Variants in CPLANE1 observed in about 807,000 individuals in gnomAD.
The protein encoded by CPLANE1 is ciliogenesis and planar polarity effector 1.
CPLANE1 carries 263 observed loss-of-function variants against 362.5 expected under a neutral mutation model. The ratio of observed to expected loss-of-function variants is 0.73; its 90% CI spans 0.66 to 0.80. The LOEUF (loss-of-function observed/expected upper bound fraction) is 0.80. Ranked by LOEUF, CPLANE1 falls within the 30% of genes least tolerant of loss-of-function variation. The pLI is 0.00. For synonymous variants in CPLANE1, 1,212 were observed against 1,302.6 expected (o/e 0.93, Z 1.50); for missense variants, 3,461 against 3,793.4 (o/e 0.91, Z 2.30).
rs766554181 is a variant in CPLANE1, at chr5:37,125,419, T to G, written c.8793-10A>C. ...AGAATAATGCTGAATTCTGAGAAATTTAACAAGCAAGACATCATTTGCTTT... is the reference window on the plus strand; with the variant it reads ...AGAATAATGCTGAATTCTGAGAAATGTAACAAGCAAGACATCATTTGCTTT... On this transcript the variant is annotated splice_polypyrimidine_tract_variant and intron_variant, in intron 46 of 52. Coordinates refer to ENST00000651892, the MANE Select transcript of CPLANE1 (RefSeq NM_001384732.1). 3.7e-6 allele frequency: 6 copies of G among 1,610,688 alleles called. No homozygotes were observed. Among genetic ancestry groups the G allele is most frequent in the Non-Finnish European group, 4.2e-6 (5 of 1,179,410 alleles).
At chr5:37,157,898 G>T (rs745312843) in intron 39 of CPLANE1, 30 bp from the exon 40 acceptor site, 1 of 823,498 alleles carries the variant, frequency 1.2e-6, no homozygotes, top group Non-Finnish European at 1.7e-6. Context: ...ACCAAAGAGG[G>T]TTACATTCTT....
chr5:37,226,264 T>G, intron 12 of CPLANE1, 40 bp downstream of exon 12: 2 of 1,347,462 alleles, frequency 1.5e-6, no homozygotes, highest in Non-Finnish European at 1.9e-6. Flanking sequence ...TAAAAAAAAC[T>G]AAGCTAATAG....
intron 25 of CPLANE1, 34 bp from the exon 26 acceptor site, chr5:37,183,733 A>G: frequency 7.2e-7 from 1 of 1,389,148 alleles, no homozygotes; most frequent in Non-Finnish European, 9.8e-7. Flanking sequence ...ACAAAATTAG[A>G]GATCATTTAA....
At chr5:37,092,162 C>G in the CPLANE1 span, among the ~76,000 whole-genome samples, 2 of 152,144 alleles carry the variant, frequency 1.3e-5, no homozygotes, top group Non-Finnish European at 1.5e-5. Flanking sequence ...CCCTTCCCAG[C>G]CTATAATAAC....
chr5:37,239,835 C>G lies in CPLANE1; in HGVS notation c.712G>C (p.Asp238His). 1 of 1,530,826 alleles carries G rather than the reference C, an allele frequency of 6.5e-7. No individual in the cohort carries two copies. Among genetic ancestry groups the G allele is most frequent in the Non-Finnish European group, 8.8e-7 (1 of 1,134,972 alleles). The allele number at this position is 1,530,826 out of a possible 1,614,324, so 94.8% of individuals were successfully genotyped here. A position where few individuals can be genotyped will look rare whatever the true frequency, so the allele number is the denominator to read the frequency against. The change falls in exon 7 of 53, where the codon GAC (aspartate) becomes CAC (histidine). Residue 238 changes from aspartate to histidine, a missense_variant. This residue lies in a region of CPLANE1 where 3,380 missense variants were observed against 3,666.1 expected (regional missense o/e 0.92). Transcript: ENST00000651892. ...LPYHVHWAQQ[D>H]CHLCSLIPKC... ...GGAATTAAACTACAGAGATGACAGT[C>G]TTGTTGAGCCCAATGAACATGGTAT...
intron 16 of CPLANE1, chr5:37,210,819 C>G (rs1374118218): frequency 1.4e-5 from 14 of 983,840 alleles, no homozygotes; most frequent in Middle Eastern, 2.1e-4. Context: ...TCAGAAAGAA[C>G]TAAGGAGAGC....
At chr5:37,169,813 A>G (rs1184002116) in intron 33 of CPLANE1, among the ~76,000 whole-genome samples, 1 of 151,048 alleles carries the variant, frequency 6.6e-6, no homozygotes, top group Non-Finnish European at 1.5e-5. Context: ...TGCAACCTCC[A>G]CCTCCTGAGT....
At chr5:37,136,306 A>T (rs1767695842) in intron 46 of CPLANE1, among the ~76,000 whole-genome samples, 1 of 152,194 alleles carries the variant, frequency 6.6e-6, no homozygotes, top group Non-Finnish European at 1.5e-5. Flanking sequence ...CAGTCATTAA[A>T]CCTTAAAGTT....
intron 38 of CPLANE1, among the ~76,000 whole-genome samples, chr5:37,160,731 G>T (rs1285141839): frequency 1.3e-5 from 2 of 150,078 alleles, no homozygotes; most frequent in African/African-American, 4.9e-5. Context: ...GAGTGCAGTG[G>T]CACAATCTCG....
chr5:37,168,403 G>C (rs1213854344), intron 34 of CPLANE1, among the ~76,000 whole-genome samples: 1 of 151,922 alleles, frequency 6.6e-6, no homozygotes. Flanking sequence ...CAGAGTACCT[G>C]GTAATTTTAC....
chr5:37,167,262 A>C (rs755380455), intron 34 of CPLANE1, 49 bp from the exon 35 acceptor site: 2 of 1,428,090 alleles, frequency 1.4e-6, no homozygotes, highest in East Asian at 4.6e-5. Flanking sequence ...AAACTCAATT[A>C]TGTAATATTT....
the CPLANE1 span, among the ~76,000 whole-genome samples, chr5:37,087,797 C>T: frequency 5.9e-5 from 9 of 152,234 alleles, no homozygotes; most frequent in Non-Finnish European, 8.8e-5. Context: ...CAAGAAAAAG[C>T]GTTAAAGAAA....
At chr5:37,093,246 T>G in the CPLANE1 span, among the ~76,000 whole-genome samples, 3 of 152,202 alleles carry the variant, frequency 2.0e-5, no homozygotes, top group African/African-American at 7.2e-5. Context: ...ACTTCTCTTA[T>G]AGCAGGGTAT....
chr5:37,115,144 G>T, intron 50 of CPLANE1, 95 bp from the exon 51 acceptor site: 1 of 823,644 alleles, frequency 1.2e-6, no homozygotes. Context: ...TTGGTGATCA[G>T]CTTTGAATCT....
At chr5:37,094,221 C>T in the CPLANE1 span, among the ~76,000 whole-genome samples, 19 of 152,162 alleles carry the variant, frequency 1.2e-4, no homozygotes, top group African/African-American at 2.9e-4. Flanking sequence ...TGTCAGTGTA[C>T]GTTATTCATC....
At chr5:37,207,990 G>T (rs964270538) in intron 16 of CPLANE1, among the ~76,000 whole-genome samples, 1 of 151,954 alleles carries the variant, frequency 6.6e-6, no homozygotes. Context: ...GTCTTGCTCT[G>T]TCATCCAAGC....
chr5:37,105,631 A>C (rs1285428992), downstream of CPLANE1, among the ~76,000 whole-genome samples: 1 of 152,238 alleles, frequency 6.6e-6, no homozygotes, highest in Non-Finnish European at 1.5e-5. Context: ...TAAAACCTCA[A>C]AAGCACAGGC....
intron 32 of CPLANE1, among the ~76,000 whole-genome samples, chr5:37,170,992 T>C (rs915519734): frequency 1.3e-5 from 2 of 152,158 alleles, no homozygotes; most frequent in Admixed American, 6.5e-5. Context: ...TTTTCAGCAA[T>C]GAGCAGAAAG....
intron 8 of CPLANE1, among the ~76,000 whole-genome samples, chr5:37,234,088 C>T (rs1798353113): frequency 6.6e-6 from 1 of 152,068 alleles, no homozygotes; most frequent in Non-Finnish European, 1.5e-5. Context: ...AAAAAATTCT[C>T]CTCTATAAAA....
Sources: gnomAD v4.1 joint callset for allele counts (sites outside exome capture counted in the v4.1 genomes callset) on GRCh38, gnomAD v4.1.1 for gene constraint, gnomAD v4.1.1 regional missense constraint, MANE v1.5 for transcripts, NCBI Gene and HGNC (gene_info 2026-07-23, HGNC 2026-07-21) for gene names.